Variants in LEPR observed in about 807,000 individuals in gnomAD.
LEPR encodes leptin receptor.
In LEPR, 56 loss-of-function variants were observed where a neutral mutation model predicts 114.7. That is an observed-to-expected ratio of 0.49 (90% CI 0.39 to 0.61). The LOEUF (loss-of-function observed/expected upper bound fraction) is 0.61. LEPR is among the 20% of genes least tolerant of loss of function. The probability of loss-of-function intolerance (pLI) is 0.00; values close to 1 mark genes in which losing one functional copy is unlikely to be tolerated. For missense variants in LEPR, 1,202 were observed against 1,352.9 expected, an observed-to-expected ratio of 0.89 and a Z score of 1.75; for synonymous variants, 443 against 461.4, an observed-to-expected ratio of 0.96 and a Z score of 0.51.
At position 65,433,070 on chromosome 1, in the gene LEPR, G is replaced by A. The variant is rs186487517; in HGVS notation, c.-21+7692G>A. 202 of 985,380 alleles carry A rather than the reference G, an allele frequency of 2.0e-4. 3 individuals are homozygous for A. In the African/African-American group the frequency reaches 3.2e-3, roughly 15 times the overall value. 61.0% of individuals were successfully genotyped at this position (985,380 alleles called of 1,614,324 possible). On this transcript the variant is annotated intron_variant, in intron 2 of 19. Transcript: ENST00000349533. The stretch of plus-strand genomic sequence containing the variant: ...AGATGCGGGCAGGGAGGCTGGGCTC[G>A]AGCCAGCCCCTGCGTTAGCAGGAGG...
intron 2 of LEPR, among the ~76,000 whole-genome samples, chr1:65,539,124 A>T (rs1211468984): frequency 2.1e-5 from 3 of 144,408 alleles, no homozygotes; most frequent in South Asian, 2.2e-4. Context: ...AACCATTGAA[A>T]TTTTTTTTTT....
chr1:65,466,828 C>A (rs1050904166), intron 2 of LEPR, among the ~76,000 whole-genome samples: 1 of 152,146 alleles, frequency 6.6e-6, no homozygotes. Flanking sequence ...GGCTATTGAA[C>A]CTTGTGCATG....
intron 2 of LEPR, among the ~76,000 whole-genome samples, chr1:65,426,777 T>C (rs1646381897): frequency 6.6e-6 from 1 of 152,080 alleles, no homozygotes; most frequent in Admixed American, 6.6e-5. Flanking sequence ...GGCGGGCAGA[T>C]CACGAGGTCA....
intron 2 of LEPR, chr1:65,526,222 G>T (rs1046615425): frequency 1.0e-6 from 1 of 985,228 alleles, no homozygotes; most frequent in African/African-American, 1.7e-5. Context: ...AGAATTTGCT[G>T]GTTCGAATGA....
intron 8 of LEPR, among the ~76,000 whole-genome samples, chr1:65,599,567 C>T (rs1161710024): frequency 6.6e-6 from 1 of 152,114 alleles, no homozygotes; most frequent in Non-Finnish European, 1.5e-5. Context: ...AGGCAAGTAG[C>T]AATAGTAGTT....
At chr1:65,617,858 G>A in intron 15 of LEPR, 106 bp from the exon 16 acceptor site, 1 of 1,136,644 alleles carries the variant, frequency 8.8e-7, no homozygotes, top group African/African-American at 1.6e-5. Context: ...TAAATTGTCT[G>A]TCTTCTCTTC....
In LEPR at chr1:65,570,653, C is replaced by T; in HGVS notation, c.221C>T (p.Ser74Leu). The change falls in exon 4 of 20, where the codon TCA (serine) becomes TTA (leucine). Residue 74 changes from serine to leucine, a missense_variant. Coordinates refer to ENST00000349533, the MANE Select transcript of LEPR (RefSeq NM_002303.6). ...ACAGCTGTTGAACCTAAGTTTAATTCAAGTGGTACTCACTTTTCTAACTTA... is the reference window on the plus strand; with the variant it reads ...ACAGCTGTTGAACCTAAGTTTAATTTAAGTGGTACTCACTTTTCTAACTTA... ...YETAVEPKFN[S>L]SGTHFSNLSK... 1 of 1,613,938 alleles carries T rather than the reference C, an allele frequency of 6.2e-7. No homozygotes were observed. The highest frequency in any genetic ancestry group is 8.5e-7 in the Non-Finnish European group (1 of 1,179,926).
In LEPR at chr1:65,636,440, G is replaced by T. The variant is rs1235336794; in HGVS notation, c.2923G>T (p.Glu975Ter). Residue 975 changes from glutamate to a stop codon, truncating the protein, a stop_gained, in exon 20 of 20, where the codon GAG (glutamate) becomes TAG (stop). Coordinates refer to ENST00000349533, the MANE Select transcript of LEPR (RefSeq NM_002303.6). LOFTEE classifies it low-confidence loss of function (END_TRUNC). ...GGCTGAGGGTACTGAGGTAACCTAT[G>T]AGGACGAAAGCCAGAGACAACCCTT... The part of the protein sequence containing the change: ...SEAEGTEVTY[E>*]DESQRQPFVK... 3 of 1,613,974 alleles carry T rather than the reference G, an allele frequency of 1.9e-6. No homozygotes were observed. Among genetic ancestry groups the T allele is most frequent in the Non-Finnish European group, 2.5e-6 (3 of 1,180,012 alleles).
chr1:65,527,011 A>G (rs1283166948), intron 2 of LEPR, among the ~76,000 whole-genome samples: 1 of 152,194 alleles, frequency 6.6e-6, no homozygotes, highest in Admixed American at 6.5e-5. Context: ...GAATATTTAC[A>G]CCTCTCATAC....
chr1:65,565,430 C>A, intron 2 of LEPR, 116 bp from the exon 3 acceptor site: 2 of 938,748 alleles, frequency 2.1e-6, no homozygotes, highest in Non-Finnish European at 3.3e-6. Flanking sequence ...TAGAGTATCA[C>A]ATGTAAATTT....
rs372950195 is a variant in LEPR at position 65,586,809 on chromosome 1, T to G, written c.495-5848T>G. Among the ~76,000 whole-genome samples the G allele has an allele frequency of 3.9e-3, 595 of 152,128 alleles. 9 individuals carry two copies. Among genetic ancestry groups the G allele is most frequent in the Non-Finnish European group, 6.0e-3 (405 of 67,928 alleles). ...GCTGTTGGCATGGTTACAGAAAGCT[T>G]TTTTAAAAACCAACAAACAATGAAT... On this transcript the variant is annotated intron_variant, in intron 5 of 19. Transcript: ENST00000349533.
At chr1:65,441,636 A>G (rs933852864) in intron 2 of LEPR, among the ~76,000 whole-genome samples, 1 of 152,174 alleles carries the variant, frequency 6.6e-6, no homozygotes, top group African/African-American at 2.4e-5. Flanking sequence ...GTTTTAGATA[A>G]TAAAGTGAGG....
In LEPR at chr1:65,435,926, G is replaced by A. The variant is rs540316448; in HGVS notation, c.-21+10548G>A. The A allele has an allele frequency of 7.5e-5, 74 of 985,100 alleles. 1 individual carries two copies. In the South Asian group the frequency reaches 2.5e-3, roughly 33 times the overall value. The allele number at this position is 985,100 out of a possible 1,614,324, so 61.0% of individuals were successfully genotyped here. A position where few individuals can be genotyped will look rare whatever the true frequency, so the allele number is the denominator to read the frequency against. Reference sequence around the variant, plus strand: ...TCTTTCAAATAGCCATGCTACCAGCGTACAACAGTGATACATGTAACCCCA... The same window carrying A: ...TCTTTCAAATAGCCATGCTACCAGCATACAACAGTGATACATGTAACCCCA... On this transcript the variant is annotated intron_variant, in intron 2 of 19. Coordinates refer to ENST00000349533, the MANE Select transcript of LEPR (RefSeq NM_002303.6).
intron 2 of LEPR, chr1:65,433,409 C>A: frequency 1.0e-6 from 1 of 985,406 alleles, no homozygotes; most frequent in Non-Finnish European, 1.2e-6. Flanking sequence ...TCCCTGCTCA[C>A]CTTTTTGTCT....
At chr1:65,461,423 C>A (rs955160868) in intron 2 of LEPR, among the ~76,000 whole-genome samples, 1 of 152,156 alleles carries the variant, frequency 6.6e-6, no homozygotes, top group African/African-American at 2.4e-5. Context: ...AAAAATCACA[C>A]AACGATGGGG....
At chr1:65,518,567 CT>C (rs1487379294) in intron 2 of LEPR, among the ~76,000 whole-genome samples, 1 of 152,250 alleles carries the variant, frequency 6.6e-6, no homozygotes, top group African/African-American at 2.4e-5. Context: ...GTCCTGGCCA[CT>C]TTTGGTTTCA....
rs1000491367 is a variant in LEPR, at chr1:65,435,961, T to A, written c.-21+10583T>A. On this transcript the variant is annotated intron_variant, in intron 2 of 19. Coordinates refer to ENST00000349533, the MANE Select transcript of LEPR (RefSeq NM_002303.6). ...GATACATGTAACCCCAAATGTGATG[T>A]GAGAGGACGATTACTTTGTAAATAA... The A allele has an allele frequency of 2.8e-5, 28 of 985,224 alleles. No homozygotes were observed. The South Asian group carries it at 1.2e-3, about 43-fold the overall frequency. 61.0% of individuals were successfully genotyped at this position (985,224 alleles called of 1,614,324 possible).
At chr1:65,590,629 C>T (rs924427192) in intron 5 of LEPR, among the ~76,000 whole-genome samples, 4 of 151,970 alleles carry the variant, frequency 2.6e-5, no homozygotes, top group African/African-American at 9.7e-5. Flanking sequence ...TTTCCTGAGG[C>T]CTCCTCAGCC....
At chr1:65,571,111 T>C (rs1179602177) in intron 4 of LEPR, among the ~76,000 whole-genome samples, 1 of 152,176 alleles carries the variant, frequency 6.6e-6, no homozygotes. Context: ...CTGATAATAT[T>C]GTTGAATTGG....
Sources: gnomAD v4.1 joint callset for allele counts (sites outside exome capture counted in the v4.1 genomes callset) on GRCh38, gnomAD v4.1.1 for gene constraint, MANE v1.5 for transcripts, NCBI Gene and HGNC (gene_info 2026-07-23, HGNC 2026-07-21) for gene names.